Variants in RRM1 observed in about 807,000 individuals in gnomAD.
RRM1 encodes the protein ribonucleotide reductase catalytic subunit M1, also known as ribonucleoside-diphosphate reductase large subunit.
RRM1 carries 19 observed loss-of-function variants against 101.5 expected under a neutral mutation model. The ratio of observed to expected loss-of-function variants is 0.19; its 90% CI spans 0.13 to 0.27. RRM1 has a LOEUF of 0.27. Ranked by LOEUF, RRM1 falls within the 10% of genes least tolerant of loss-of-function variation. RRM1 has a pLI of 1.00. For synonymous variants in RRM1, 298 were observed against 323.4 expected (o/e 0.92, Z 0.84); for missense variants, 500 against 962.9 (o/e 0.52, Z 6.36).
At position 4,132,494 on chromosome 11, in the gene RRM1, GT is replaced by G; in HGVS notation, c.1905+76del. The G allele has an allele frequency of 6.6e-7, 1 of 1,521,892 alleles. No individual in the cohort carries two copies. The highest frequency in any genetic ancestry group is 9.0e-7 in the Non-Finnish European group (1 of 1,112,872). The allele number at this position is 1,521,892 out of a possible 1,614,324, so 94.3% of individuals were successfully genotyped here. ...ATGTTGGGAGTAAATGCTCACTCAT[GT>G]TTAATTTGCCCATTTTCTTAGTTTG... On this transcript the variant is annotated intron_variant, in intron 16 of 18. Coordinates refer to ENST00000300738, the MANE Select transcript of RRM1 (RefSeq NM_001033.5). The surrounding 1 kb of genome is among the most constrained non-coding windows in gnomAD (Gnocchi z 4.1).
At chr11:4,119,985 T>C (rs757433061) in intron 9 of RRM1, 57 bp downstream of exon 9, 15 of 1,018,624 alleles carry the variant, frequency 1.5e-5, no homozygotes, top group East Asian at 2.4e-5. Context: ...TTTAGTCATA[T>C]ACACTTAAGA....
chr11:4,099,083 G>T (rs1443065491), intron 1 of RRM1, among the ~76,000 whole-genome samples: 4 of 152,162 alleles, frequency 2.6e-5, no homozygotes, highest in Non-Finnish European at 5.9e-5. Context: ...GAAGAGAGAA[G>T]AATGAAAGAC....
At chr11:4,100,020 T>C (rs1390962085) in intron 1 of RRM1, among the ~76,000 whole-genome samples, 1 of 152,240 alleles carries the variant, frequency 6.6e-6, no homozygotes, top group Non-Finnish European at 1.5e-5. Context: ...ATCCAATTGC[T>C]AGAGCACTGA....
At chr11:4,133,351 A>G (rs2094603563) in intron 16 of RRM1, among the ~76,000 whole-genome samples, 1 of 152,016 alleles carries the variant, frequency 6.6e-6, no homozygotes. Flanking sequence ...GGCTAATTAT[A>G]TTGTTTCTTG....
rs1158955252 is a variant in RRM1 at position 4,135,125 on chromosome 11, C to T, written c.2045C>T (p.Thr682Ile). The change falls in exon 18 of 19, where the codon ACT (threonine) becomes ATT (isoleucine). Residue 682 changes from threonine (T) to isoleucine (I), a missense_variant. By Grantham distance (89) the Thr-to-Ile change is moderately conservative. Coordinates refer to ENST00000300738, the MANE Select transcript of RRM1 (RefSeq NM_001033.5). The stretch of plus-strand genomic sequence containing the variant: ...GATGACCTGAAGCAACTTTATAAAA[C>T]TGTGTGGGAAATCTCTCAGAAAACT... ...IPDDLKQLYK[T>I]VWEISQKTVL... The T allele has an allele frequency of 3.7e-6, 6 of 1,612,900 alleles. No individual in the cohort carries two copies. The highest frequency in any genetic ancestry group is 5.1e-6 in the Non-Finnish European group (6 of 1,179,432).
chr11:4,098,292 TCCTC>T (rs1222882281), intron 1 of RRM1, among the ~76,000 whole-genome samples: 1 of 144,356 alleles, frequency 6.9e-6, no homozygotes, highest in Non-Finnish European at 1.5e-5. Flanking sequence ...CTCCCTTCCT[TCCTC>T]CCTTTCTTCC....
chr11:4,131,730 C>G (rs557806708), intron 15 of RRM1, among the ~76,000 whole-genome samples: 1 of 152,244 alleles, frequency 6.6e-6, no homozygotes, highest in East Asian at 1.9e-4. Context: ...CTTGCAGGAA[C>G]TTATAATTGA....
chr11:4,101,557 A>AGCCCC (rs2094550987), intron 1 of RRM1, among the ~76,000 whole-genome samples: 1 of 43,652 alleles, frequency 2.3e-5, no homozygotes. Flanking sequence ...CCAGTGATCC[A>AGCCCC]CACCCCCCCC....
At position 4,094,894 on chromosome 11, in the gene RRM1, T is replaced by C; in HGVS notation, c.-119T>C. The C allele has an allele frequency of 2.8e-6, 3 of 1,081,480 alleles. No homozygotes were observed. Among genetic ancestry groups the C allele is most frequent in the South Asian group, 1.3e-5 (1 of 74,242 alleles). The allele number at this position is 1,081,480 out of a possible 1,614,324, so 67.0% of individuals were successfully genotyped here. ...TGCTGTCTGGCTCCAACTCCAGTTC[T>C]TTCCCCTGAGCAGCGCCTGGAACCT... On this transcript the variant is annotated 5_prime_UTR_variant, in exon 1 of 19. Transcript: ENST00000300738.
chr11:4,131,586 T>G (rs1038821628), intron 15 of RRM1, among the ~76,000 whole-genome samples: 3 of 152,262 alleles, frequency 2.0e-5, no homozygotes, highest in Non-Finnish European at 4.4e-5. Flanking sequence ...TATTTGTGCC[T>G]GCCTGATGAG....
In RRM1 at chr11:4,113,692, T is replaced by A. The variant is rs148434609; in HGVS notation, c.650+1630T>A. Among the ~76,000 whole-genome samples the A allele has an allele frequency of 5.3e-3, 814 of 152,308 alleles. 2 individuals carry two copies. The highest frequency in any genetic ancestry group is 0.017 in the African/African-American group (707 of 41,566). On this transcript the variant is annotated intron_variant, in intron 7 of 18. Transcript: ENST00000300738. ...TAGATTGTATAGCCTACTACACACATAGGATATATGGCATGGCCTGTTGCT... is the reference window on the plus strand; with the variant it reads ...TAGATTGTATAGCCTACTACACACAAAGGATATATGGCATGGCCTGTTGCT...
intron 15 of RRM1, among the ~76,000 whole-genome samples, chr11:4,131,524 G>A (rs2094600343): frequency 6.6e-6 from 1 of 152,186 alleles, no homozygotes; most frequent in Non-Finnish European, 1.5e-5. Context: ...TATACGGAAA[G>A]GTACAGGTCA....
At chr11:4,133,523 G>A in intron 16 of RRM1, 40 bp from the exon 17 acceptor site, 1 of 1,279,076 alleles carries the variant, frequency 7.8e-7, no homozygotes, top group East Asian at 2.3e-5. Context: ...AGCAGTCACT[G>A]TTATTTATTT....
At chr11:4,127,910 C>A (rs1009184644) in intron 14 of RRM1, among the ~76,000 whole-genome samples, 1 of 152,116 alleles carries the variant, frequency 6.6e-6, no homozygotes, top group African/African-American at 2.4e-5. Flanking sequence ...CTTAGCTGGG[C>A]CTTCTTTTCT....
At chr11:4,122,760 C>A (rs35359151) in intron 11 of RRM1, among the ~76,000 whole-genome samples, 56,798 of 151,554 alleles carry the variant, frequency 0.37, 10,786 homozygotes, top group South Asian at 0.46. Context: ...GTAGTCCCAG[C>A]TACTTGGGAG....
At chr11:4,122,003 C>A (rs1386110546) in intron 10 of RRM1, 138 bp from the exon 11 acceptor site, 13 of 733,976 alleles carry the variant, frequency 1.8e-5, no homozygotes, top group Non-Finnish European at 2.9e-5. Flanking sequence ...ATGTTTGGGC[C>A]TGAACCTGAA....
rs1295979504 is a variant in RRM1 at position 4,109,672 on chromosome 11, G to A, written c.416G>A (p.Arg139Gln). The A allele has an allele frequency of 1.2e-6, 2 of 1,608,038 alleles. No individual in the cohort carries two copies. Among genetic ancestry groups the A allele is most frequent in the Non-Finnish European group, 1.7e-6 (2 of 1,177,132 alleles). The change falls in exon 5 of 19, where the codon CGA becomes CAA. Residue 139 changes from arginine to glutamine, a missense_variant. This residue lies in a region of RRM1 where 111 missense variants were observed against 219.8 expected (regional missense o/e 0.51). Transcript: ENST00000300738. ...DRLNSAIIYDRDFSYNYFGFK... is the reference protein window; with the variant it reads ...DRLNSAIIYDQDFSYNYFGFK... ...CTGAATTCTGCTATTATCTATGACC[G>A]AGATTTCTCTTACAATTACTTCGGC...
intron 9 of RRM1, among the ~76,000 whole-genome samples, chr11:4,121,305 AAG>A (rs1225454077): frequency 6.6e-6 from 1 of 152,214 alleles, no homozygotes; most frequent in Non-Finnish European, 1.5e-5. Flanking sequence ...ATGTGGTGTA[AAG>A]AGAGCTGGGC....
Position 4,122,194 on chromosome 11 carries a change from A to T in RRM1, c.1092A>T (p.Gly364=). ...NECPGLDEVW[G]EEFEKLYASY... ...GTCCTGGTCTGGATGAGGTTTGGGGAGAGGAATTTGAGAAACTATATGCAA... is the reference window on the plus strand; with the variant it reads ...GTCCTGGTCTGGATGAGGTTTGGGGTGAGGAATTTGAGAAACTATATGCAA... The change falls in exon 11 of 19, where the codon GGA becomes GGT. Residue 364 remains glycine (G), a synonymous_variant. Coordinates refer to ENST00000300738, the MANE Select transcript of RRM1 (RefSeq NM_001033.5). 1 of 1,612,044 alleles carries T rather than the reference A, an allele frequency of 6.2e-7. No homozygotes were observed.
Sources: allele counts gnomAD v4.1 joint callset (sites outside exome capture counted in the v4.1 genomes callset), GRCh38; gene constraint gnomAD v4.1.1; regional missense constraint gnomAD v4.1.1; non-coding constraint Gnocchi (gnomAD v3.1); transcripts MANE v1.5; gene names NCBI Gene and HGNC (gene_info 2026-07-23, HGNC 2026-07-21).